KPNA3: variants seen among roughly 807,000 people sequenced by gnomAD.
KPNA3 encodes the protein importin subunit alpha-4.
A neutral mutation model predicts 73.8 loss-of-function variants in KPNA3; 13 were observed. That is an observed-to-expected ratio of 0.18 (90% CI 0.11 to 0.28). The LOEUF is 0.28. Ranked by LOEUF, KPNA3 falls within the 10% of genes least tolerant of loss-of-function variation. The probability of loss-of-function intolerance (pLI) is 1.00; values close to 1 mark genes in which losing one functional copy is unlikely to be tolerated. For missense variants in KPNA3, 360 were observed against 618.1 expected, an observed-to-expected ratio of 0.58 and a Z score of 4.43; for synonymous variants, 186 against 206.9, an observed-to-expected ratio of 0.90 and a Z score of 0.87.
chr13:49,752,770 T>G (rs1465371158), intron 1 of KPNA3, among the ~76,000 whole-genome samples: 1 of 152,040 alleles, frequency 6.6e-6, no homozygotes, highest in Non-Finnish European at 1.5e-5. Context: ...GGCTTACGTC[T>G]GTAATCCCAG....
intron 2 of KPNA3, among the ~76,000 whole-genome samples, chr13:49,738,765 A>G (rs1225870334): frequency 6.6e-6 from 1 of 152,250 alleles, no homozygotes; most frequent in Non-Finnish European, 1.5e-5. Flanking sequence ...AGATAATCAC[A>G]TTATCTGCAA....
At chr13:49,709,815 T>A (rs1954243132) in intron 11 of KPNA3, 115 bp from the exon 12 acceptor site, 1 of 843,726 alleles carries the variant, frequency 1.2e-6, no homozygotes, top group African/African-American at 1.7e-5. Context: ...ACTTATTTCA[T>A]CCTTTCACAA....
Position 49,746,945 on chromosome 13 carries a change from T to C in KPNA3, c.114+4A>G, listed in dbSNP as rs1474060737. 3 of 1,602,844 alleles carry C rather than the reference T, an allele frequency of 1.9e-6. No homozygotes were observed. The highest frequency in any genetic ancestry group is 2.6e-6 in the Non-Finnish European group (3 of 1,170,364). ...ACTTTTCTTTAAATGTAAATCAACC[T>C]TACCTTCCGCAGTTCCACTGTCACT... On this transcript the variant is annotated splice_donor_region_variant and intron_variant, in intron 2 of 16. Transcript: ENST00000261667.
At position 49,792,569 on chromosome 13, in the gene KPNA3, G is replaced by T. The variant is rs1955045799; in HGVS notation, c.-63C>A. On this transcript the variant is annotated 5_prime_UTR_variant, in exon 1 of 17. Coordinates refer to ENST00000261667, the MANE Select transcript of KPNA3 (RefSeq NM_002267.4). Reference sequence around the variant, plus strand: ...TGCGGCGGCGGCGGCGGCGAATCTTGGAGCGGGAGGGGGAGGAGGGGGAGA... The same window carrying T: ...TGCGGCGGCGGCGGCGGCGAATCTTTGAGCGGGAGGGGGAGGAGGGGGAGA... The T allele has an allele frequency of 9.7e-7, 1 of 1,030,118 alleles. No homozygotes were observed. The highest frequency in any genetic ancestry group is 1.4e-6 in the Non-Finnish European group (1 of 692,350). 63.8% of individuals were successfully genotyped at this position (1,030,118 alleles called of 1,614,324 possible). A position where few individuals can be genotyped will look rare whatever the true frequency, so the allele number is the denominator to read the frequency against.
At chr13:49,722,251 G>A in intron 8 of KPNA3, 127 bp from the exon 9 acceptor site, 1 of 736,976 alleles carries the variant, frequency 1.4e-6, no homozygotes, top group Non-Finnish European at 2.1e-6. Context: ...AAGGCATCAA[G>A]TGTTGTTTCT....
chr13:49,771,159 A>G (rs1375635099), intron 1 of KPNA3, among the ~76,000 whole-genome samples: 2 of 151,710 alleles, frequency 1.3e-5, no homozygotes, highest in African/African-American at 4.8e-5. Context: ...AAAAGAAGCC[A>G]AAAGAAAAGA....
At chr13:49,722,634 A>ATTTCT in intron 7 of KPNA3, 71 bp from the exon 8 acceptor site, 1 of 902,048 alleles carries the variant, frequency 1.1e-6, no homozygotes, top group Non-Finnish European at 1.7e-6. Flanking sequence ...GATCAAAGAA[A>ATTTCT]TTGATCAAAT....
intron 10 of KPNA3, among the ~76,000 whole-genome samples, chr13:49,719,468 T>A (rs1158993055): frequency 1.3e-5 from 2 of 152,140 alleles, no homozygotes; most frequent in African/African-American, 2.4e-5. Context: ...AGATTTTTTT[T>A]AAAAAGTAAG....
At chr13:49,703,300 C>A (rs1260256315) in intron 15 of KPNA3, among the ~76,000 whole-genome samples, 1 of 151,272 alleles carries the variant, frequency 6.6e-6, no homozygotes, top group East Asian at 1.9e-4. Context: ...CCTGCCTCAG[C>A]CTCCCAAGTA....
intron 6 of KPNA3, among the ~76,000 whole-genome samples, chr13:49,726,683 CTGT>C (rs1954412744): frequency 6.6e-6 from 1 of 152,158 alleles, no homozygotes; most frequent in African/African-American, 2.4e-5. Context: ...GGGCTTACAC[CTGT>C]AGTCCCAGCA....
intron 15 of KPNA3, 120 bp downstream of exon 15, chr13:49,705,500 TA>T (rs543075858): frequency 1.7e-4 from 174 of 1,010,722 alleles, no homozygotes; most frequent in South Asian, 9.0e-4. Context: ...AAAAGCAACA[TA>T]CTGTGATCAT....
rs1594426160 is a variant in KPNA3 at position 49,702,972 on chromosome 13, C to T, written c.1373-492G>A. Among the ~76,000 whole-genome samples, 3 of 150,972 alleles carry T rather than the reference C, an allele frequency of 2.0e-5. No individual in the cohort carries two copies. In the East Asian group the frequency reaches 6.0e-4, roughly 30 times the overall value. The stretch of plus-strand genomic sequence containing the variant: ...CAAGCTCCGCCTCCTGGGTTCATGC[C>T]ATTCTCCCGCCTAAGCCTCCCAAGT... On this transcript the variant is annotated intron_variant, in intron 15 of 16. Coordinates refer to ENST00000261667, the MANE Select transcript of KPNA3 (RefSeq NM_002267.4).
chr13:49,778,423 GTC>G (rs1265630702), intron 1 of KPNA3, among the ~76,000 whole-genome samples: 1 of 152,230 alleles, frequency 6.6e-6, no homozygotes, highest in African/African-American at 2.4e-5. Context: ...CTGTGCTGGA[GTC>G]TCTCTGAACA....
intron 6 of KPNA3, among the ~76,000 whole-genome samples, chr13:49,729,295 G>C (rs1043970570): frequency 3.3e-5 from 5 of 152,154 alleles, no homozygotes; most frequent in African/African-American, 9.6e-5. Flanking sequence ...GACAGTATAT[G>C]TTGCCTCAGA....
chr13:49,723,311 C>T (rs1257149768), intron 7 of KPNA3, among the ~76,000 whole-genome samples: 2 of 152,154 alleles, frequency 1.3e-5, no homozygotes, highest in Non-Finnish European at 2.9e-5. Context: ...ATGGCTCATG[C>T]CTGTAATCCT....
chr13:49,746,921 C>T (rs762129857), intron 2 of KPNA3, 28 bp downstream of exon 2: 3 of 1,548,948 alleles, frequency 1.9e-6, no homozygotes, highest in Non-Finnish European at 2.7e-6. Context: ...AATCTAATTA[C>T]TTTTCTTTAA....
At chr13:49,709,049 G>C (rs964711337) in intron 12 of KPNA3, among the ~76,000 whole-genome samples, 1 of 152,142 alleles carries the variant, frequency 6.6e-6, no homozygotes, top group Non-Finnish European at 1.5e-5. Flanking sequence ...AGAAACACAG[G>C]TAGTCTAAAA....
intron 1 of KPNA3, among the ~76,000 whole-genome samples, chr13:49,771,147 GA>G (rs2137593986): frequency 6.8e-6 from 1 of 147,792 alleles, no homozygotes; most frequent in African/African-American, 2.5e-5. Flanking sequence ...AAGAGGAAGA[GA>G]AAAAGAAGCC....
chr13:49,758,688 ATGTG>A (rs942145417), intron 1 of KPNA3, among the ~76,000 whole-genome samples: 1 of 152,196 alleles, frequency 6.6e-6, no homozygotes, highest in African/African-American at 2.4e-5. Context: ...TATGCATTAT[ATGTG>A]TGTGTTTATG....
Sources: gnomAD v4.1 joint callset for allele counts (sites outside exome capture counted in the v4.1 genomes callset) on GRCh38, gnomAD v4.1.1 for gene constraint, MANE v1.5 for transcripts, NCBI Gene and HGNC (gene_info 2026-07-23, HGNC 2026-07-21) for gene names.